The following DPY19L2 variants were observed in gnomAD, a reference collection of about 807,000 sequenced individuals.
DPY19L2 encodes probable C-mannosyltransferase DPY19L2.
Under a neutral mutation model 97.9 loss-of-function variants are expected in DPY19L2, and 34 were observed. The ratio of observed to expected loss-of-function variants is 0.35; its 90% CI spans 0.26 to 0.46. The LOEUF is 0.46. DPY19L2 is among the 20% of genes least tolerant of loss of function. The pLI, the probability that DPY19L2 is intolerant of heterozygous loss-of-function variation, is 1.00. For missense variants in DPY19L2, 623 were observed against 911.4 expected, an observed-to-expected ratio of 0.68 and a Z score of 4.07; for synonymous variants, 230 against 307.9, an observed-to-expected ratio of 0.75 and a Z score of 2.65.
At chr12:63,661,711 G>A (rs1204122916) in intron 3 of DPY19L2, among the ~76,000 whole-genome samples, 1 of 151,928 alleles carries the variant, frequency 6.6e-6, no homozygotes, top group African/African-American at 2.4e-5. Flanking sequence ...AGAGATGGAG[G>A]GATGGTCAAA....
chr12:63,667,506 C>A (rs548207160), intron 1 of DPY19L2, among the ~76,000 whole-genome samples: 1 of 152,216 alleles, frequency 6.6e-6, no homozygotes, highest in South Asian at 2.1e-4. Context: ...TCCCCTGGAC[C>A]ACGGCATCCT....
At chr12:63,634,304 G>A (rs1425057707) in intron 6 of DPY19L2, among the ~76,000 whole-genome samples, 1 of 152,152 alleles carries the variant, frequency 6.6e-6, no homozygotes, top group African/African-American at 2.4e-5. Context: ...GTAATAACAT[G>A]TAAGATATGA....
chr12:63,565,013 T>G (rs1291656263), intron 21 of DPY19L2, among the ~76,000 whole-genome samples: 2 of 152,080 alleles, frequency 1.3e-5, no homozygotes, highest in African/African-American at 4.8e-5. Flanking sequence ...CATTCAAATA[T>G]ACTTTGATGT....
Position 63,592,994 on chromosome 12 carries a change from C to T in DPY19L2, c.1580+1093G>A, listed in dbSNP as rs537039763. ...AGTGGGTGAAGGACATGAACAGACA[C>T]TTCTCAAAAGAAGACATTTATGCAG... On this transcript the variant is annotated intron_variant, in intron 16 of 21. Coordinates refer to ENST00000324472, the MANE Select transcript of DPY19L2 (RefSeq NM_173812.5). 5.9e-5 allele frequency among the ~76,000 whole-genome samples: 9 copies of T among 151,398 alleles called. No individual in the cohort carries two copies. In the South Asian group the frequency reaches 8.4e-4, roughly 14 times the overall value.
chr12:63,610,713 T>G (rs563156891), intron 11 of DPY19L2, among the ~76,000 whole-genome samples: 1 of 150,558 alleles, frequency 6.6e-6, no homozygotes, highest in South Asian at 2.1e-4. Context: ...CCAATCCTTC[T>G]CAAGCTCTTC....
rs1377892807 is a variant in DPY19L2, at chr12:63,586,111, C to T, written c.1581-2275G>A. 4.6e-5 allele frequency among the ~76,000 whole-genome samples: 7 copies of T among 152,284 alleles called. 1 individual carries two copies. The highest frequency in any genetic ancestry group is 1.4e-4 in the African/African-American group (6 of 41,554). On this transcript the variant is annotated intron_variant, in intron 16 of 21. Coordinates refer to ENST00000324472, the MANE Select transcript of DPY19L2 (RefSeq NM_173812.5). ...TAAGAGAACAACAACACACACACAT[C>T]ACCCCTCCAAACCTTATGAATTTCC... is the stretch of plus-strand genomic sequence containing the variant.
intron 11 of DPY19L2, among the ~76,000 whole-genome samples, chr12:63,608,960 T>C (rs1285758833): frequency 6.6e-6 from 1 of 152,074 alleles, no homozygotes; most frequent in African/African-American, 2.4e-5. Context: ...ATAAATGGTA[T>C]GTGAGCAGAT....
chr12:63,591,111 C>T (rs1592468330), intron 16 of DPY19L2: 2 of 455,912 alleles, frequency 4.4e-6, no homozygotes, highest in Non-Finnish European at 8.8e-6. Flanking sequence ...AGACACATTT[C>T]CCTGTGCTCC....
At chr12:63,613,199 G>C (rs371535974) in intron 11 of DPY19L2, among the ~76,000 whole-genome samples, 1 of 152,082 alleles carries the variant, frequency 6.6e-6, no homozygotes, top group African/African-American at 2.4e-5. Flanking sequence ...GATGTCACAA[G>C]AGAACTATGA....
In DPY19L2 at chr12:63,641,080, A is replaced by G. The variant is rs144251423; in HGVS notation, c.803+3323T>C. Among the ~76,000 whole-genome samples the G allele has an allele frequency of 9.8e-3, 1,484 of 151,812 alleles. 7 individuals carry two copies. Among genetic ancestry groups the G allele is most frequent in the African/African-American group, 0.034 (1,403 of 41,336 alleles). On this transcript the variant is annotated intron_variant, in intron 6 of 21. Coordinates refer to ENST00000324472, the MANE Select transcript of DPY19L2 (RefSeq NM_173812.5). ...GCTAATTTTTTGTTGTTGTTGTTGT[A>G]TTTTTAGTAGAGACAGGGCTTCACC... is the stretch of plus-strand genomic sequence containing the variant.
At chr12:63,607,276 T>G (rs1886202347) in intron 12 of DPY19L2, among the ~76,000 whole-genome samples, 1 of 152,146 alleles carries the variant, frequency 6.6e-6, no homozygotes, top group African/African-American at 2.4e-5. Context: ...TTCAATAGTT[T>G]GCAACTGAAA....
intron 11 of DPY19L2, among the ~76,000 whole-genome samples, chr12:63,615,933 AAATAAT>A (rs953911429): frequency 6.6e-6 from 1 of 152,008 alleles, no homozygotes; most frequent in Admixed American, 6.6e-5. Context: ...AAAATATTTG[AAATAAT>A]AATAATACAA....
rs557776314 is a variant in DPY19L2, at chr12:63,576,826, TG to T, written c.1900+3835del. ...GGAAAGCTATTCCATGTTCAAGCAT[TG>T]GAAGAATCAATACTGTTAAAATGTC... On this transcript the variant is annotated intron_variant, in intron 19 of 21. Coordinates refer to ENST00000324472, the MANE Select transcript of DPY19L2 (RefSeq NM_173812.5). Among the ~76,000 whole-genome samples, 23 of 152,124 alleles carry T rather than the reference TG, an allele frequency of 1.5e-4. No homozygotes were observed. In the Middle Eastern group the frequency reaches 0.01, roughly 67 times the overall value.
At chr12:63,587,885 C>T (rs1020990935) in intron 16 of DPY19L2, among the ~76,000 whole-genome samples, 3 of 152,044 alleles carry the variant, frequency 2.0e-5, no homozygotes, top group African/African-American at 7.2e-5. Context: ...ACTAGTTAGA[C>T]ATTTTAAGAC....
At chr12:63,561,299 ACTT>A in intron 21 of DPY19L2, among the ~76,000 whole-genome samples, 1 of 152,248 alleles carries the variant, frequency 6.6e-6, no homozygotes, top group South Asian at 2.1e-4. Flanking sequence ...AAACAATAAA[ACTT>A]CACCTATTTT....
At chr12:63,641,458 T>C (rs1362946541) in intron 6 of DPY19L2, among the ~76,000 whole-genome samples, 1 of 152,112 alleles carries the variant, frequency 6.6e-6, no homozygotes, top group Non-Finnish European at 1.5e-5. Context: ...AATCAGCTAC[T>C]GACCTGATTT....
At chr12:63,567,625 T>C (rs990970702) in intron 21 of DPY19L2, among the ~76,000 whole-genome samples, 9 of 152,068 alleles carry the variant, frequency 5.9e-5, no homozygotes, top group African/African-American at 2.2e-4. Context: ...TGAGTATTTC[T>C]TGTATATCTG....
At chr12:63,593,743 A>C (rs1883599088) in intron 16 of DPY19L2, among the ~76,000 whole-genome samples, 1 of 152,086 alleles carries the variant, frequency 6.6e-6, no homozygotes, top group Non-Finnish European at 1.5e-5. Context: ...ATACATATGT[A>C]ACTAACCTGC....
At chr12:63,631,746 G>A (rs1439891212) in intron 6 of DPY19L2, among the ~76,000 whole-genome samples, 4 of 152,022 alleles carry the variant, frequency 2.6e-5, no homozygotes, top group African/African-American at 4.8e-5. Context: ...CCAAAGTCTG[G>A]CAGAGACACA....
Sources: gnomAD v4.1 joint callset for allele counts (sites outside exome capture counted in the v4.1 genomes callset) on GRCh38, gnomAD v4.1.1 for gene constraint, MANE v1.5 for transcripts, NCBI Gene and HGNC (gene_info 2026-07-23, HGNC 2026-07-21) for gene names.